C12orf42: variants seen among roughly 807,000 people sequenced by gnomAD.
The protein encoded by C12orf42 is chromosome 12 open reading frame 42, also known as uncharacterized protein C12orf42.
C12orf42 carries 25 observed loss-of-function variants against 21.6 expected under a neutral mutation model. The ratio of observed to expected loss-of-function variants is 1.16; its 90% CI spans 0.84 to 1.62. C12orf42 has a LOEUF of 1.62. C12orf42 is among the 40% of genes most tolerant of loss of function. The pLI, the probability that C12orf42 is intolerant of heterozygous loss-of-function variation, is 0.00. For missense variants in C12orf42, 483 were observed against 459.3 expected (o/e 1.05, Z -0.47); for synonymous variants, 174 against 175.0 (o/e 0.99, Z 0.05).
chr12:103,243,304 C>T (rs534334151), intron 10 of C12orf42, among the ~76,000 whole-genome samples: 63 of 152,042 alleles, frequency 4.1e-4, no homozygotes, highest in African/African-American at 1.3e-3. Context: ...TGGGATTAAA[C>T]GTGGTAGCCA....
At chr12:103,099,866 T>G in the C12orf42 span, among the ~76,000 whole-genome samples, 22 of 152,166 alleles carry the variant, frequency 1.4e-4, no homozygotes, top group African/African-American at 5.3e-4. Flanking sequence ...ATATACCAAG[T>G]TTTTTGTGAA....
At chr12:103,093,243 T>C in the C12orf42 span, among the ~76,000 whole-genome samples, 2 of 152,208 alleles carry the variant, frequency 1.3e-5, no homozygotes, top group African/African-American at 2.4e-5. Flanking sequence ...AGTTGGTTGT[T>C]GTTAAACCTG....
At chr12:103,467,193 T>C (rs1953208239) in intron 2 of C12orf42, among the ~76,000 whole-genome samples, 1 of 152,218 alleles carries the variant, frequency 6.6e-6, no homozygotes, top group Admixed American at 6.5e-5. Flanking sequence ...TGAGATCCCA[T>C]GTACTTACAA....
chr12:103,461,046 A>G (rs1198723445), intron 2 of C12orf42, among the ~76,000 whole-genome samples: 1 of 152,226 alleles, frequency 6.6e-6, no homozygotes, highest in East Asian at 1.9e-4. Context: ...GCTTTATGAC[A>G]GTACAGACTG....
intron 5 of C12orf42, among the ~76,000 whole-genome samples, chr12:103,305,676 T>TG (rs1428033495): frequency 3.9e-5 from 6 of 152,212 alleles, no homozygotes; most frequent in Non-Finnish European, 8.8e-5. Context: ...GCACAGTGTC[T>TG]GGCACATGGT....
chr12:103,270,727 C>A (rs950438859), intron 5 of C12orf42, among the ~76,000 whole-genome samples: 2 of 141,774 alleles, frequency 1.4e-5, no homozygotes, highest in African/African-American at 5.1e-5. Context: ...ATCCCTCCCC[C>A]CTCCCCCTAC....
At chr12:103,453,066 A>G (rs1031215341) in intron 2 of C12orf42, among the ~76,000 whole-genome samples, 2 of 151,902 alleles carry the variant, frequency 1.3e-5, no homozygotes, top group African/African-American at 4.8e-5. Flanking sequence ...AATCAATTTG[A>G]TAATTCTAAA....
At chr12:103,431,774 A>T (rs1950285750) in intron 2 of C12orf42, among the ~76,000 whole-genome samples, 2 of 152,228 alleles carry the variant, frequency 1.3e-5, no homozygotes, top group South Asian at 4.1e-4. Flanking sequence ...AGCAGAACAT[A>T]TCCAAGTCAC....
the C12orf42 span, among the ~76,000 whole-genome samples, chr12:103,514,382 T>A: frequency 6.6e-6 from 1 of 152,104 alleles, no homozygotes; most frequent in Non-Finnish European, 1.5e-5. Flanking sequence ...TGGAAGAAAC[T>A]GCAAGATGGA....
upstream of C12orf42, among the ~76,000 whole-genome samples, chr12:103,499,933 A>T (rs1271918717): frequency 1.3e-5 from 2 of 152,260 alleles, no homozygotes; most frequent in African/African-American, 4.8e-5. Flanking sequence ...AAATTAGATC[A>T]GTAACATTCA....
At chr12:103,556,144 C>T in the C12orf42 span, among the ~76,000 whole-genome samples, 1 of 152,154 alleles carries the variant, frequency 6.6e-6, no homozygotes, top group African/African-American at 2.4e-5. Flanking sequence ...TTTGGAGTCA[C>T]CCACCCCTGG....
At chr12:103,169,754 GA>G in the C12orf42 span, among the ~76,000 whole-genome samples, 1 of 149,036 alleles carries the variant, frequency 6.7e-6, no homozygotes, top group African/African-American at 2.5e-5. Flanking sequence ...ATAAAAATTT[GA>G]TATGCTAAAA....
the C12orf42 span, among the ~76,000 whole-genome samples, chr12:103,518,380 T>C: frequency 6.6e-6 from 1 of 152,050 alleles, no homozygotes; most frequent in South Asian, 2.1e-4. Flanking sequence ...TCAGCATCAA[T>C]CCTCCTTGGG....
At chr12:103,514,204 G>C in the C12orf42 span, among the ~76,000 whole-genome samples, 1 of 152,152 alleles carries the variant, frequency 6.6e-6, no homozygotes, top group East Asian at 1.9e-4. Flanking sequence ...AGAACAGGAT[G>C]GGGGAAACCG....
chr12:103,273,854 C>T (rs1424189089), intron 5 of C12orf42: 1 of 456,394 alleles, frequency 2.2e-6, no homozygotes, highest in Admixed American at 2.3e-5. Flanking sequence ...GATGCACTCA[C>T]AGCAGGTCTC....
At chr12:103,119,309 A>G in the C12orf42 span, among the ~76,000 whole-genome samples, 1 of 152,246 alleles carries the variant, frequency 6.6e-6, no homozygotes, top group African/African-American at 2.4e-5. Context: ...ATTAAATGAG[A>G]TAACACATGA....
At chr12:103,495,475 G>A (rs909192508) in intron 1 of C12orf42, among the ~76,000 whole-genome samples, 23 of 149,068 alleles carry the variant, frequency 1.5e-4, no homozygotes, top group African/African-American at 5.6e-4. Context: ...GCGGCGAGCC[G>A]GCCGGGTGGG....
the C12orf42 span, among the ~76,000 whole-genome samples, chr12:103,076,179 C>T: frequency 6.6e-6 from 1 of 151,672 alleles, no homozygotes; most frequent in Non-Finnish European, 1.5e-5. Flanking sequence ...ATGTGTATAC[C>T]TATGTAACAA....
chr12:103,453,313 T>C (rs1952075911), intron 2 of C12orf42, among the ~76,000 whole-genome samples: 1 of 151,868 alleles, frequency 6.6e-6, no homozygotes, highest in Non-Finnish European at 1.5e-5. Context: ...TTCTAGAATT[T>C]TTTCATTCTA....
Sources: allele counts gnomAD v4.1 joint callset (sites outside exome capture counted in the v4.1 genomes callset), GRCh38; gene constraint gnomAD v4.1.1; transcripts MANE v1.5; gene names NCBI Gene and HGNC (gene_info 2026-07-23, HGNC 2026-07-21).